The following CCSER1 variants were observed in gnomAD, a reference collection of about 807,000 sequenced individuals.
CCSER1 encodes coiled-coil serine rich protein 1.
In CCSER1, 41 loss-of-function variants were observed where a neutral mutation model predicts 82.0. That is an observed-to-expected ratio of 0.50 (90% CI 0.39 to 0.65). CCSER1 has a LOEUF of 0.65. Among genes scored for constraint, CCSER1 ranks in the 30% least tolerant of loss-of-function variants. The pLI is 0.00. For synonymous variants in CCSER1, 414 were observed against 383.9 expected (o/e 1.08, Z -0.92); for missense variants, 1,119 against 1,064.2 (o/e 1.05, Z -0.72).
chr4:91,530,429 A>G (rs958353137), intron 10 of CCSER1, among the ~76,000 whole-genome samples: 2 of 152,070 alleles, frequency 1.3e-5, no homozygotes, highest in Non-Finnish European at 2.9e-5. Context: ...CATCTGTTAT[A>G]TTATCAAAAA....
At chr4:91,052,497 G>C (rs1006478771) in intron 9 of CCSER1, among the ~76,000 whole-genome samples, 2 of 152,030 alleles carry the variant, frequency 1.3e-5, no homozygotes, top group Admixed American at 1.3e-4. Context: ...CTATGATCTG[G>C]AAGTTGAAAC....
chr4:91,478,399 A>C (rs1300090966), intron 10 of CCSER1, among the ~76,000 whole-genome samples: 1 of 151,912 alleles, frequency 6.6e-6, no homozygotes, highest in Non-Finnish European at 1.5e-5. Context: ...TCATTTAGTT[A>C]AATATTGTAG....
intron 10 of CCSER1, among the ~76,000 whole-genome samples, chr4:91,469,566 G>T (rs1037754039): frequency 3.2e-4 from 49 of 152,130 alleles, no homozygotes; most frequent in Non-Finnish European, 3.7e-4. Context: ...AAAAGATTAG[G>T]GTGAAAGAGA....
At chr4:90,625,721 A>G (rs1011783451) in intron 5 of CCSER1, among the ~76,000 whole-genome samples, 14 of 152,184 alleles carry the variant, frequency 9.2e-5, no homozygotes, top group Admixed American at 5.2e-4. Flanking sequence ...CACAATGTGG[A>G]TGTTTTCAAT....
chr4:90,480,331 T>G (rs928853737), intron 5 of CCSER1, among the ~76,000 whole-genome samples: 1 of 152,224 alleles, frequency 6.6e-6, no homozygotes, highest in Non-Finnish European at 1.5e-5. Context: ...GTAGGTTGCC[T>G]GTTCATTCTG....
chr4:90,673,228 C>T (rs1372285871), intron 6 of CCSER1, among the ~76,000 whole-genome samples: 2 of 151,888 alleles, frequency 1.3e-5, no homozygotes, highest in Non-Finnish European at 2.9e-5. Context: ...AAACAATATT[C>T]AATATTCAAC....
At chr4:90,920,182 C>A (rs1427776364) in intron 8 of CCSER1, among the ~76,000 whole-genome samples, 1 of 151,910 alleles carries the variant, frequency 6.6e-6, no homozygotes, top group Non-Finnish European at 1.5e-5. Context: ...GGTTTGTCTT[C>A]TCCATATTGC....
chr4:90,233,569 C>G (rs1367968522), intron 1 of CCSER1, among the ~76,000 whole-genome samples: 3 of 151,426 alleles, frequency 2.0e-5, no homozygotes, highest in Non-Finnish European at 4.4e-5. Flanking sequence ...CACATGTATA[C>G]ATATGTAACT....
intron 9 of CCSER1, among the ~76,000 whole-genome samples, chr4:91,030,246 A>G (rs1289552546): frequency 6.6e-6 from 1 of 152,100 alleles, no homozygotes; most frequent in African/African-American, 2.4e-5. Flanking sequence ...AAAGATGAAA[A>G]ATGTAAATTG....
chr4:90,158,848 A>G (rs1471746834), intron 1 of CCSER1, among the ~76,000 whole-genome samples: 2 of 151,720 alleles, frequency 1.3e-5, no homozygotes, highest in Admixed American at 6.6e-5. Flanking sequence ...GCAATGCCTC[A>G]CCCTGCTTCG....
chr4:90,813,848 A>G (rs1309850344), intron 7 of CCSER1, among the ~76,000 whole-genome samples: 1 of 152,068 alleles, frequency 6.6e-6, no homozygotes, highest in Non-Finnish European at 1.5e-5. Flanking sequence ...TGGATCTATG[A>G]TTCTGGGGTC....
At chr4:91,501,541 A>AG (rs1394637110) in intron 10 of CCSER1, among the ~76,000 whole-genome samples, 2 of 151,988 alleles carry the variant, frequency 1.3e-5, no homozygotes, top group African/African-American at 2.4e-5. Flanking sequence ...ATAATAGGAC[A>AG]GGTATTTATT....
intron 6 of CCSER1, among the ~76,000 whole-genome samples, chr4:90,682,799 A>G (rs558872927): frequency 4.1e-4 from 62 of 152,256 alleles, no homozygotes; most frequent in Non-Finnish European, 6.9e-4. Flanking sequence ...GTGTTACTGT[A>G]TAAACTCAGA....
intron 10 of CCSER1, among the ~76,000 whole-genome samples, chr4:91,228,921 A>G (rs980448735): frequency 6.6e-6 from 1 of 152,150 alleles, no homozygotes; most frequent in Non-Finnish European, 1.5e-5. Context: ...ACAGTTATAT[A>G]ATATATGTTA....
chr4:91,526,498 G>A (rs1019048958), intron 10 of CCSER1, among the ~76,000 whole-genome samples: 7 of 152,066 alleles, frequency 4.6e-5, no homozygotes, highest in Non-Finnish European at 8.8e-5. Flanking sequence ...TAAATCTCTG[G>A]CTCAGAATAA....
chr4:90,154,519 T>A (rs566097341), intron 1 of CCSER1, among the ~76,000 whole-genome samples: 5 of 151,394 alleles, frequency 3.3e-5, no homozygotes, highest in Admixed American at 3.3e-4. Context: ...GAGCATGGAA[T>A]GTTCTTCCAT....
At chr4:90,670,678 A>G (rs928602511) in intron 6 of CCSER1, among the ~76,000 whole-genome samples, 1 of 152,086 alleles carries the variant, frequency 6.6e-6, no homozygotes, top group African/African-American at 2.4e-5. Context: ...TGTTCAGTAG[A>G]TATTATTGGT....
intron 10 of CCSER1, among the ~76,000 whole-genome samples, chr4:91,516,561 T>G (rs899647338): frequency 6.6e-6 from 1 of 152,158 alleles, no homozygotes; most frequent in Non-Finnish European, 1.5e-5. Flanking sequence ...GTTCCATTGG[T>G]CTATATGTCT....
At chr4:90,612,880 T>A (rs1270085589) in intron 5 of CCSER1, among the ~76,000 whole-genome samples, 1 of 152,156 alleles carries the variant, frequency 6.6e-6, no homozygotes, top group Non-Finnish European at 1.5e-5. Flanking sequence ...GTCAGAGTGG[T>A]GAGGGCCAGG....
Sources: allele counts gnomAD v4.1 joint callset (sites outside exome capture counted in the v4.1 genomes callset), GRCh38; gene constraint gnomAD v4.1.1; transcripts MANE v1.5; gene names NCBI Gene and HGNC (gene_info 2026-07-23, HGNC 2026-07-21).